PLPP3: variants seen among roughly 807,000 people sequenced by gnomAD.
The protein encoded by PLPP3 is PAP2 beta.
A neutral mutation model predicts 29.6 loss-of-function variants in PLPP3; 6 were observed. The observed-to-expected ratio is 0.20, with a 90% CI of 0.11 to 0.40. PLPP3 has a LOEUF of 0.40. PLPP3 is among the 10% of genes least tolerant of loss of function. The pLI is 1.00. For synonymous variants in PLPP3, 152 were observed against 159.7 expected, an observed-to-expected ratio of 0.95 and a Z score of 0.36; for missense variants, 308 against 407.7, an observed-to-expected ratio of 0.76 and a Z score of 2.11.
chr1:56,557,529 C>T (rs909918162), intron 1 of PLPP3, among the ~76,000 whole-genome samples: 9 of 152,166 alleles, frequency 5.9e-5, no homozygotes, highest in Admixed American at 5.9e-4. Flanking sequence ...ACCTGGCATA[C>T]AGTAGGCAGT....
At chr1:56,540,299 T>C (rs769458211) in intron 1 of PLPP3, among the ~76,000 whole-genome samples, 5 of 152,154 alleles carry the variant, frequency 3.3e-5, no homozygotes, top group Non-Finnish European at 7.4e-5. Context: ...ACCCAGACCC[T>C]GCCCTCAAGA....
chr1:56,497,346 T>C (rs1406019895), intron 5 of PLPP3, among the ~76,000 whole-genome samples: 1 of 152,240 alleles, frequency 6.6e-6, no homozygotes. Flanking sequence ...GAAACATTTA[T>C]TGAGTGCCAC....
intron 4 of PLPP3, among the ~76,000 whole-genome samples, chr1:56,519,927 G>A (rs1206410899): frequency 3.3e-5 from 5 of 152,088 alleles, no homozygotes. Flanking sequence ...TCTAGAAGTG[G>A]CTGCTGTGAA....
In PLPP3 at chr1:56,524,244, C is replaced by A. The variant is rs1027325400; in HGVS notation, c.575+33G>T. On this transcript the variant is annotated intron_variant, in intron 3 of 5. Transcript: ENST00000371250. The surrounding 1 kb of genome is among the most constrained non-coding windows in gnomAD (Gnocchi z 4.3). ...CTGAACTGCACTGTATGAAAGGGGT[C>A]CAGGCTCTGGCCATGCGGAGGTGGT... The A allele has an allele frequency of 7.5e-6, 12 of 1,610,232 alleles. No individual in the cohort carries two copies. Among genetic ancestry groups the A allele is most frequent in the Non-Finnish European group, 3.4e-6 (4 of 1,178,564 alleles).
At chr1:56,572,291 C>T (rs568735833) in intron 1 of PLPP3, among the ~76,000 whole-genome samples, 2 of 152,148 alleles carry the variant, frequency 1.3e-5, no homozygotes, top group African/African-American at 4.8e-5. Context: ...CTCAGGTGAT[C>T]CACCTGCCTC....
chr1:56,528,131 T>G (rs1363479280), intron 2 of PLPP3, among the ~76,000 whole-genome samples: 1 of 152,188 alleles, frequency 6.6e-6, no homozygotes, highest in Non-Finnish European at 1.5e-5. Context: ...CTGGGGGTGA[T>G]GGCAGGCTGC....
intron 4 of PLPP3, 21 bp downstream of exon 4, chr1:56,523,802 A>T (rs1408524481): frequency 6.2e-7 from 1 of 1,609,378 alleles, no homozygotes; most frequent in Non-Finnish European, 8.5e-7. Flanking sequence ...GCACTGCTCA[A>T]ATCAAAGGGT....
chr1:56,536,861 T>C, intron 2 of PLPP3, 94 bp downstream of exon 2: 1 of 1,491,368 alleles, frequency 6.7e-7, no homozygotes. Context: ...TGGCTTCTAC[T>C]TGGTATAAGT....
At chr1:56,571,182 A>G (rs1457987712) in intron 1 of PLPP3, among the ~76,000 whole-genome samples, 1 of 152,236 alleles carries the variant, frequency 6.6e-6, no homozygotes, top group Non-Finnish European at 1.5e-5. Context: ...CTGGACAATT[A>G]CTAACCAACC....
At chr1:56,563,682 A>C (rs571135112) in intron 1 of PLPP3, among the ~76,000 whole-genome samples, 1 of 152,350 alleles carries the variant, frequency 6.6e-6, no homozygotes, top group African/African-American at 2.4e-5. Context: ...TGATTAGCTG[A>C]ATTATTAACA....
intron 1 of PLPP3, among the ~76,000 whole-genome samples, chr1:56,560,975 T>C (rs765295193): frequency 2.1e-4 from 32 of 151,414 alleles, no homozygotes; most frequent in Non-Finnish European, 4.1e-4. Flanking sequence ...GTAGCTGGGA[T>C]TACAGGCGCC....
chr1:56,547,513 C>A (rs1646013765), intron 1 of PLPP3, among the ~76,000 whole-genome samples: 2 of 152,186 alleles, frequency 1.3e-5, no homozygotes, highest in East Asian at 3.8e-4. Context: ...GAATTGTTTA[C>A]AGGGATCCTA....
At chr1:56,535,438 C>A (rs1162776263) in intron 2 of PLPP3, among the ~76,000 whole-genome samples, 1 of 152,134 alleles carries the variant, frequency 6.6e-6, no homozygotes, top group Admixed American at 6.5e-5. Context: ...CTATCTAATC[C>A]ATTTTGCTGC....
chr1:56,513,020 A>G (rs1477870344), intron 4 of PLPP3: 2 of 152,188 alleles, frequency 1.3e-5, no homozygotes, highest in Non-Finnish European at 2.9e-5. Flanking sequence ...TCTGCTTCAG[A>G]AGAAAGCAAC....
intron 1 of PLPP3, among the ~76,000 whole-genome samples, chr1:56,562,449 C>T (rs1163812309): frequency 6.6e-6 from 1 of 152,062 alleles, no homozygotes; most frequent in Non-Finnish European, 1.5e-5. Context: ...TAAATGATAG[C>T]ATGTGCCTAA....
At chr1:56,530,075 T>G (rs1272824381) in intron 2 of PLPP3, among the ~76,000 whole-genome samples, 2 of 151,828 alleles carry the variant, frequency 1.3e-5, no homozygotes, top group African/African-American at 2.4e-5. Context: ...TCCTGGCTGT[T>G]CTTTCTGCAG....
intron 1 of PLPP3, among the ~76,000 whole-genome samples, chr1:56,569,217 C>G (rs190697820): frequency 3.9e-5 from 6 of 152,098 alleles, no homozygotes; most frequent in African/African-American, 1.4e-4. Flanking sequence ...CACTGTCACC[C>G]GGGCTGGAGT....
At chr1:56,500,841 C>A (rs1206191611) in intron 5 of PLPP3, among the ~76,000 whole-genome samples, 1 of 151,454 alleles carries the variant, frequency 6.6e-6, no homozygotes, top group East Asian at 1.9e-4. Context: ...CCCCTCTCTA[C>A]AAAAGTACAA....
rs201848561 is a variant in PLPP3 at position 56,520,166 on chromosome 1, G to T, written c.633+3657C>A. 1.3e-4 allele frequency among the ~76,000 whole-genome samples: 20 copies of T among 152,282 alleles called. No individual in the cohort carries two copies. In the East Asian group the frequency reaches 3.9e-3, roughly 29 times the overall value. On this transcript the variant is annotated intron_variant, in intron 4 of 5. Coordinates refer to ENST00000371250, the MANE Select transcript of PLPP3 (RefSeq NM_003713.5). ...AAGTGGGGTCCAGAGAGGAAAAGTGGCAACAACTCTGCAAAATAGACATGA... is the reference window on the plus strand; with the variant it reads ...AAGTGGGGTCCAGAGAGGAAAAGTGTCAACAACTCTGCAAAATAGACATGA...
Sources: allele counts gnomAD v4.1 joint callset (sites outside exome capture counted in the v4.1 genomes callset), GRCh38; gene constraint gnomAD v4.1.1; non-coding constraint Gnocchi (gnomAD v3.1); transcripts MANE v1.5; gene names NCBI Gene and HGNC (gene_info 2026-07-23, HGNC 2026-07-21).